Variants in BCL2 observed in about 807,000 individuals in gnomAD.
BCL2 encodes apoptosis regulator Bcl-2.
In BCL2, 1 loss-of-function variant was observed where a neutral mutation model predicts 14.2. The ratio of observed to expected loss-of-function variants is 0.07; its 90% CI spans 0.02 to 0.33. BCL2 has a LOEUF of 0.33. BCL2 is among the 10% of genes least tolerant of loss of function. BCL2 has a pLI of 0.99. For missense variants in BCL2, 247 were observed against 305.9 expected, an observed-to-expected ratio of 0.81 and a Z score of 1.44; for synonymous variants, 151 against 137.2, an observed-to-expected ratio of 1.10 and a Z score of -0.70.
At chr18:63,277,643 A>T (rs1182393826) in intron 2 of BCL2, among the ~76,000 whole-genome samples, 1 of 151,390 alleles carries the variant, frequency 6.6e-6, no homozygotes, top group African/African-American at 2.4e-5. Context: ...CACACATACA[A>T]AAGTCTGGTC....
chr18:63,125,319 A>G lies in BCL2; in HGVS notation c.*3306T>C, dbSNP rs188618198. ...ATTCTGTGACTTTATTCCAAATCTT[A>G]AGCCTGCCAGAGTTTTCTGCCCCTG... is the stretch of plus-strand genomic sequence containing the variant. On this transcript the variant is annotated 3_prime_UTR_variant, in exon 3 of 3. Transcript: ENST00000333681. The G allele has an allele frequency of 6.2e-4, 141 of 226,522 alleles. No homozygotes were observed. The highest frequency in any genetic ancestry group is 2.0e-4 in the Non-Finnish European group (23 of 113,700). The allele number at this position is 226,522 out of a possible 1,614,324, so 14.0% of individuals were successfully genotyped here. A position where few individuals can be genotyped will look rare whatever the true frequency, so the allele number is the denominator to read the frequency against.
intron 2 of BCL2, among the ~76,000 whole-genome samples, chr18:63,183,272 C>G (rs573848661): frequency 6.6e-6 from 1 of 152,290 alleles, no homozygotes; most frequent in East Asian, 1.9e-4. Context: ...TGTGGGCTAG[C>G]AGTGAGGGAG....
At chr18:63,130,844 C>T (rs1914046821) in intron 2 of BCL2, among the ~76,000 whole-genome samples, 1 of 152,138 alleles carries the variant, frequency 6.6e-6, no homozygotes. Context: ...AATATTGCTT[C>T]CAGACATCAT....
chr18:63,202,481 C>G (rs1407764437), intron 2 of BCL2, among the ~76,000 whole-genome samples: 1 of 152,090 alleles, frequency 6.6e-6, no homozygotes, highest in Non-Finnish European at 1.5e-5. Context: ...ATGGTGAGGC[C>G]TGGACAAGAC....
intron 2 of BCL2, among the ~76,000 whole-genome samples, chr18:63,182,429 TA>T (rs1915497889): frequency 6.6e-6 from 1 of 152,160 alleles, no homozygotes; most frequent in Admixed American, 6.5e-5. Context: ...AACACAGAGC[TA>T]CCACCAGCTG....
At chr18:63,221,308 G>A (rs555747491) in intron 2 of BCL2, among the ~76,000 whole-genome samples, 5 of 152,178 alleles carry the variant, frequency 3.3e-5, no homozygotes, top group Admixed American at 6.5e-5. Flanking sequence ...AAAATTAGAT[G>A]TGAGTGTTCA....
At chr18:63,211,059 ATTTCTT>A (rs1909986906) in intron 2 of BCL2, among the ~76,000 whole-genome samples, 12 of 91,324 alleles carry the variant, frequency 1.3e-4, no homozygotes, top group African/African-American at 4.4e-4. Flanking sequence ...TTTTCTTTTC[ATTTCTT>A]TTTTTTTTTT....
intron 2 of BCL2, among the ~76,000 whole-genome samples, chr18:63,311,025 G>T (rs961377983): frequency 6.7e-6 from 1 of 149,688 alleles, no homozygotes; most frequent in Non-Finnish European, 1.5e-5. Flanking sequence ...TTATGGACTC[G>T]CTTTTTTTTT....
chr18:63,248,842 T>G (rs962809942), intron 2 of BCL2, among the ~76,000 whole-genome samples: 2 of 152,224 alleles, frequency 1.3e-5, no homozygotes, highest in Non-Finnish European at 2.9e-5. Context: ...GCGAGGTCAG[T>G]GCTCAGCACA....
intron 2 of BCL2, among the ~76,000 whole-genome samples, chr18:63,293,658 G>A (rs1022715900): frequency 3.9e-5 from 6 of 152,290 alleles, no homozygotes; most frequent in East Asian, 1.9e-4. Flanking sequence ...TATGGTGCTT[G>A]TTCTGGGGCT....
intron 2 of BCL2, among the ~76,000 whole-genome samples, chr18:63,257,096 A>G (rs191808101): frequency 3.3e-5 from 5 of 152,328 alleles, no homozygotes; most frequent in Non-Finnish European, 1.5e-5. Context: ...ATAATAGCTG[A>G]TTTATTAATA....
At chr18:63,293,124 C>T (rs998783328) in intron 2 of BCL2, among the ~76,000 whole-genome samples, 21 of 152,286 alleles carry the variant, frequency 1.4e-4, no homozygotes, top group South Asian at 1.0e-3. Context: ...ACTCCCACCC[C>T]GCAGAGCCCA....
rs546313248 is a variant in BCL2 at position 63,148,620 on chromosome 18, G to T, written c.586-19861C>A. Among the ~76,000 whole-genome samples the T allele has an allele frequency of 2.0e-5, 3 of 151,504 alleles. 1 individual carries two copies. The East Asian group carries it at 5.8e-4, about 29-fold the overall frequency. ...CAATGAGATACTGTGAAGTGGCAACGAATTTCCCTGGCCTCTGGCCTGCTG... is the reference window on the plus strand; with the variant it reads ...CAATGAGATACTGTGAAGTGGCAACTAATTTCCCTGGCCTCTGGCCTGCTG... On this transcript the variant is annotated intron_variant, in intron 2 of 2. Transcript: ENST00000333681.
chr18:63,137,428 T>C (rs1326137446), intron 2 of BCL2, among the ~76,000 whole-genome samples: 1 of 152,252 alleles, frequency 6.6e-6, no homozygotes, highest in Admixed American at 6.5e-5. Flanking sequence ...AGCAAATGTT[T>C]GTGGAGCTGA....
rs1031172123 is a variant in BCL2 at position 63,206,649 on chromosome 18, A to T, written c.586-77890T>A. On this transcript the variant is annotated intron_variant, in intron 2 of 2. Coordinates refer to ENST00000333681, the MANE Select transcript of BCL2 (RefSeq NM_000633.3). ...AACAACAAGCATCGTTGATGCCTCTAGTAAGTGCCAGGTGTTGGGTTAGAT... is the reference window on the plus strand; with the variant it reads ...AACAACAAGCATCGTTGATGCCTCTTGTAAGTGCCAGGTGTTGGGTTAGAT... Among the ~76,000 whole-genome samples the T allele has an allele frequency of 2.0e-5, 3 of 152,362 alleles. No homozygotes were observed. In the East Asian group the frequency reaches 5.8e-4, roughly 29 times the overall value.
chr18:63,315,403 G>A (rs1217499887), intron 2 of BCL2: 1 of 152,180 alleles, frequency 6.6e-6, no homozygotes, highest in Non-Finnish European at 1.5e-5. Context: ...CAATCTATCA[G>A]AGGCTGATCA....
intron 1 of BCL2, 108 bp downstream of exon 1, chr18:63,319,066 T>A: frequency 1.9e-6 from 2 of 1,079,546 alleles, no homozygotes; most frequent in South Asian, 8.7e-5. Context: ...AAAAAGAATG[T>A]ATTAAGCTGC....
chr18:63,212,319 C>A (rs2144675585), intron 2 of BCL2, among the ~76,000 whole-genome samples: 1 of 151,558 alleles, frequency 6.6e-6, no homozygotes, highest in African/African-American at 2.4e-5. Flanking sequence ...CAGAGCGAGA[C>A]TCTGTCTCAA....
chr18:63,215,062 C>T lies in BCL2; in HGVS notation c.586-86303G>A, dbSNP rs142327470. Among the ~76,000 whole-genome samples the T allele has an allele frequency of 5.0e-3, 768 of 152,170 alleles. 9 individuals are homozygous for T. Among genetic ancestry groups the T allele is most frequent in the Admixed American group, 0.027 (409 of 15,284 alleles). ...TTCCCCAGAACCCAACTCTAGAAAG[C>T]GATAATCATCCCTTAATGAATTCTC... On this transcript the variant is annotated intron_variant, in intron 2 of 2. Coordinates refer to ENST00000333681, the MANE Select transcript of BCL2 (RefSeq NM_000633.3).
Sources: gnomAD v4.1 joint callset for allele counts (sites outside exome capture counted in the v4.1 genomes callset) on GRCh38, gnomAD v4.1.1 for gene constraint, MANE v1.5 for transcripts, NCBI Gene and HGNC (gene_info 2026-07-23, HGNC 2026-07-21) for gene names.